The following PRKCH variants were observed in gnomAD, a reference collection of about 807,000 sequenced individuals.
PRKCH encodes protein kinase C eta, also known as protein kinase C eta type.
Under a neutral mutation model 82.5 loss-of-function variants are expected in PRKCH, and 28 were observed. The observed-to-expected ratio is 0.34, with a 90% CI of 0.25 to 0.47. PRKCH has a LOEUF of 0.47. Among genes scored for constraint, PRKCH ranks in the 20% least tolerant of loss-of-function variants. PRKCH has a pLI of 1.00. For missense variants in PRKCH, 705 were observed against 881.8 expected (o/e 0.80, Z 2.54); for synonymous variants, 322 against 327.4 (o/e 0.98, Z 0.18).
intron 2 of PRKCH, among the ~76,000 whole-genome samples, chr14:61,440,371 T>A (rs1348460316): frequency 6.6e-6 from 1 of 152,156 alleles, no homozygotes; most frequent in Non-Finnish European, 1.5e-5. Flanking sequence ...ATGGGAAACT[T>A]AAGAAGGAAA....
At chr14:61,487,800 C>T (rs1310415841) in intron 10 of PRKCH, among the ~76,000 whole-genome samples, 4 of 145,044 alleles carry the variant, frequency 2.8e-5, no homozygotes, top group African/African-American at 1.0e-4. Flanking sequence ...TGAGGCCAGC[C>T]GGGGCAACAT....
At chr14:61,497,161 G>A (rs551651802) in intron 10 of PRKCH, among the ~76,000 whole-genome samples, 3 of 152,276 alleles carry the variant, frequency 2.0e-5, no homozygotes, top group African/African-American at 7.2e-5. Flanking sequence ...ACGACTTTTA[G>A]AGCTGGCATT....
chr14:61,272,417 G>C (rs1164656502), intron 1 of PRKCH, among the ~76,000 whole-genome samples: 1 of 140,678 alleles, frequency 7.1e-6, no homozygotes, highest in Non-Finnish European at 1.5e-5. Context: ...GCAGTGGCAC[G>C]GTCTAGGCTC....
intron 10 of PRKCH, among the ~76,000 whole-genome samples, chr14:61,516,737 C>T (rs1317395584): frequency 6.6e-6 from 1 of 152,110 alleles, no homozygotes; most frequent in Non-Finnish European, 1.5e-5. Flanking sequence ...CAGTAAAATT[C>T]CCTGAACTTT....
chr14:61,214,681 C>T (rs1289591795), intron 1 of PRKCH, among the ~76,000 whole-genome samples: 1 of 151,974 alleles, frequency 6.6e-6, no homozygotes, highest in Non-Finnish European at 1.5e-5. Context: ...CCATCTGACC[C>T]CTCTTTCTCT....
chr14:61,427,686 A>T (rs1366763256), intron 2 of PRKCH, among the ~76,000 whole-genome samples: 1 of 152,082 alleles, frequency 6.6e-6, no homozygotes, highest in Non-Finnish European at 1.5e-5. Context: ...TTCTGGGCTT[A>T]AGTAATCCTT....
chr14:61,202,309 G>A lies in PRKCH; in HGVS notation c.-19+14641G>A, dbSNP rs79425716. On this transcript the variant is annotated intron_variant, in intron 1 of 3. Coordinates refer to the PRKCH transcript ENST00000555185. ...ACTCTTCTCTTTTACATAGTCCCAG[G>A]TGGGAGTTCCACTTCCTCTTCCGGT... 1.6e-3 allele frequency among the ~76,000 whole-genome samples: 237 copies of A among 152,312 alleles called. 5 individuals are homozygous for A. In the East Asian group the frequency reaches 0.037, roughly 24 times the overall value.
chr14:61,375,093 G>T (rs2046412821), intron 1 of PRKCH, among the ~76,000 whole-genome samples: 2 of 152,082 alleles, frequency 1.3e-5, no homozygotes, highest in South Asian at 4.1e-4. Context: ...AATTTCTACT[G>T]CCAGTTACCC....
chr14:61,341,176 T>C (rs1427321356), intron 1 of PRKCH, among the ~76,000 whole-genome samples: 1 of 152,138 alleles, frequency 6.6e-6, no homozygotes, highest in African/African-American at 2.4e-5. Context: ...GGGTTCCCAA[T>C]CGGCTGGCCC....
At chr14:61,480,068 A>T (rs1015352525) in intron 9 of PRKCH, among the ~76,000 whole-genome samples, 10 of 152,252 alleles carry the variant, frequency 6.6e-5, no homozygotes, top group African/African-American at 2.4e-4. Flanking sequence ...CACACAGGTC[A>T]GGGCAGACTT....
At chr14:61,442,320 A>G (rs1366589188) in intron 2 of PRKCH, among the ~76,000 whole-genome samples, 2 of 152,174 alleles carry the variant, frequency 1.3e-5, no homozygotes, top group Non-Finnish European at 2.9e-5. Context: ...GTTAATTTCT[A>G]CCTATTCCAG....
intron 1 of PRKCH, among the ~76,000 whole-genome samples, chr14:61,188,661 GTCCT>G (rs2044386695): frequency 2.8e-5 from 3 of 108,044 alleles, no homozygotes; most frequent in African/African-American, 1.0e-4. Flanking sequence ...TGTGTCCGGG[GTCCT>G]GCTGCCTCTG....
At chr14:61,240,438 A>C (rs1171822634) in intron 1 of PRKCH, among the ~76,000 whole-genome samples, 1 of 152,124 alleles carries the variant, frequency 6.6e-6, no homozygotes, top group Non-Finnish European at 1.5e-5. Flanking sequence ...GTTGCCATGA[A>C]GTCCTGCACA....
intron 1 of PRKCH, among the ~76,000 whole-genome samples, chr14:61,190,314 G>T (rs1392880491): frequency 6.6e-6 from 1 of 152,098 alleles, no homozygotes; most frequent in Non-Finnish European, 1.5e-5. Flanking sequence ...AGGTTAGTCA[G>T]GTCTTCACAG....
Position 61,542,706 on chromosome 14 carries a change from C to G in PRKCH, c.1762-5037C>G, listed in dbSNP as rs184818315. Among the ~76,000 whole-genome samples, 149 of 152,304 alleles carry G rather than the reference C, an allele frequency of 9.8e-4. 1 individual carries two copies. Among genetic ancestry groups the G allele is most frequent in the African/African-American group, 3.4e-3 (142 of 41,562 alleles). On this transcript the variant is annotated intron_variant, in intron 12 of 13. Coordinates refer to ENST00000332981, the MANE Select transcript of PRKCH (RefSeq NM_006255.5). ...GTGTAGTCTCTCAGCAGCTTTCTATCTGTGCCCCTGCCTTTTAGTAGAACA... is the reference window on the plus strand; with the variant it reads ...GTGTAGTCTCTCAGCAGCTTTCTATGTGTGCCCCTGCCTTTTAGTAGAACA...
At chr14:61,291,824 G>A (rs932979363) in intron 1 of PRKCH, among the ~76,000 whole-genome samples, 9 of 152,134 alleles carry the variant, frequency 5.9e-5, no homozygotes, top group African/African-American at 1.9e-4. Flanking sequence ...GCTGAGGGTG[G>A]GAGTGGGGAT....
chr14:61,472,383 C>G (rs1024293482), intron 9 of PRKCH, among the ~76,000 whole-genome samples: 7 of 152,232 alleles, frequency 4.6e-5, no homozygotes, highest in African/African-American at 1.7e-4. Context: ...CAAACCTGAA[C>G]TTTGTGAGTC....
intron 5 of PRKCH, among the ~76,000 whole-genome samples, chr14:61,450,386 G>A (rs1272238160): frequency 6.6e-6 from 1 of 152,206 alleles, no homozygotes; most frequent in Non-Finnish European, 1.5e-5. Flanking sequence ...TCCTTCTGTG[G>A]TTCCATGGCC....
At chr14:61,252,338 T>G (rs1462405003) in intron 1 of PRKCH, among the ~76,000 whole-genome samples, 1 of 152,172 alleles carries the variant, frequency 6.6e-6, no homozygotes, top group Non-Finnish European at 1.5e-5. Flanking sequence ...CGTGACTTTC[T>G]CCAGCACACC....
Sources: gnomAD v4.1 joint callset for allele counts (sites outside exome capture counted in the v4.1 genomes callset) on GRCh38, gnomAD v4.1.1 for gene constraint, MANE v1.5 for transcripts, NCBI Gene and HGNC (gene_info 2026-07-23, HGNC 2026-07-21) for gene names.